ADAM22: variants seen among roughly 807,000 people sequenced by gnomAD.
The protein encoded by ADAM22 is ADAM metallopeptidase domain 22, also known as disintegrin and metalloproteinase domain-containing protein 22.
In ADAM22, 65 loss-of-function variants were observed where a neutral mutation model predicts 144.6. The ratio of observed to expected loss-of-function variants is 0.45; its 90% CI spans 0.37 to 0.55. The LOEUF is 0.55. ADAM22 is among the 20% of genes least tolerant of loss of function. The probability of loss-of-function intolerance (pLI) is 0.00; values close to 1 mark genes in which losing one functional copy is unlikely to be tolerated. For synonymous variants in ADAM22, 391 were observed against 412.6 expected (o/e 0.95, Z 0.63); for missense variants, 974 against 1,184.9 (o/e 0.82, Z 2.61).
chr7:88,169,102 A>G (rs777429470), intron 25 of ADAM22, among the ~76,000 whole-genome samples: 1 of 152,148 alleles, frequency 6.6e-6, no homozygotes, highest in African/African-American at 2.4e-5. Flanking sequence ...TCTTAAACCA[A>G]TTGCACCAAA....
At chr7:88,015,230 A>C (rs1796299455) in intron 3 of ADAM22, among the ~76,000 whole-genome samples, 1 of 152,234 alleles carries the variant, frequency 6.6e-6, no homozygotes, top group South Asian at 2.1e-4. Flanking sequence ...TTTGAACCCT[A>C]ATAAGTGTTA....
intron 2 of ADAM22, among the ~76,000 whole-genome samples, chr7:87,972,159 G>A (rs937317975): frequency 3.9e-5 from 6 of 152,108 alleles, no homozygotes; most frequent in African/African-American, 9.7e-5. Context: ...GTTTGCAGAC[G>A]ACATGATTGT....
At position 87,934,485 on chromosome 7, in the gene ADAM22, T is replaced by A; in HGVS notation, c.20T>A (p.Val7Glu). The A allele has an allele frequency of 6.2e-7, 1 of 1,605,570 alleles. No homozygotes were observed. The highest frequency in any genetic ancestry group is 1.3e-5 in the African/African-American group (1 of 74,874). MQAAVAVSVPFLLLCVL... is the reference protein window; with the variant it reads MQAAVAESVPFLLLCVL... ...AGCACCATGCAGGCGGCAGTGGCTG[T>A]GTCCGTGCCCTTCTTGCTGCTCTGT... Residue 7 changes from valine (V) to glutamate (E), a missense_variant, in exon 1 of 32, where the codon GTG (valine) becomes GAG (glutamate). This residue lies in a region of ADAM22 where 240 missense variants were observed against 234.3 expected (regional missense o/e 1.02). Transcript: ENST00000413139.
intron 1 of ADAM22, 82 bp from the exon 2 acceptor site, chr7:87,934,944 C>T (rs1459979430): frequency 1.3e-6 from 2 of 1,582,350 alleles, no homozygotes; most frequent in South Asian, 2.2e-5. Flanking sequence ...AGACGTAGGA[C>T]TGCAGGATGG....
chr7:88,140,848 T>C (rs1388453056), intron 14 of ADAM22, among the ~76,000 whole-genome samples: 3 of 151,796 alleles, frequency 2.0e-5, no homozygotes, highest in Admixed American at 2.0e-4. Flanking sequence ...AAAAAGAAAA[T>C]GCAGGTTTTG....
intron 26 of ADAM22, 77 bp downstream of exon 26, chr7:88,171,638 A>G: frequency 1.6e-6 from 2 of 1,284,418 alleles, no homozygotes; most frequent in East Asian, 5.3e-5. Context: ...CATACATGCA[A>G]TTATAATTAA....
chr7:88,095,237 A>G (rs1021988944), intron 4 of ADAM22, among the ~76,000 whole-genome samples: 1 of 152,198 alleles, frequency 6.6e-6, no homozygotes, highest in African/African-American at 2.4e-5. Flanking sequence ...CTGTGCCTCT[A>G]GACTGTAAAT....
intron 17 of ADAM22, among the ~76,000 whole-genome samples, chr7:88,147,778 C>T (rs954132581): frequency 6.6e-6 from 1 of 152,186 alleles, no homozygotes; most frequent in Non-Finnish European, 1.5e-5. Flanking sequence ...ATGCACTCCT[C>T]TAAACTACCC....
chr7:88,156,026 G>C lies in ADAM22; in HGVS notation c.1907+20G>C. 6.2e-7 allele frequency: 1 copy of C among 1,610,542 alleles called. No homozygotes were observed. Among genetic ancestry groups the C allele is most frequent in the South Asian group, 1.1e-5 (1 of 90,386 alleles). On this transcript the variant is annotated intron_variant, in intron 22 of 31. Transcript: ENST00000413139. ...CTGCAGGTAATTATCTAACCATTCT[G>C]TAAGAATCTGAGTCATCTTATTTCT...
At chr7:88,124,345 C>T (rs987999113) in intron 7 of ADAM22, among the ~76,000 whole-genome samples, 1 of 151,480 alleles carries the variant, frequency 6.6e-6, no homozygotes, top group African/African-American at 2.4e-5. Flanking sequence ...ATGAATCATC[C>T]CATTTATAAT....
At chr7:88,171,703 T>G (rs1291910285) in intron 26 of ADAM22, 142 bp downstream of exon 26, 4 of 618,058 alleles carry the variant, frequency 6.5e-6, no homozygotes, top group African/African-American at 5.8e-5. Context: ...TTCATTATCT[T>G]GAGGTAATTT....
chr7:88,099,567 G>A (rs115588905), intron 4 of ADAM22, among the ~76,000 whole-genome samples: 261 of 152,270 alleles, frequency 1.7e-3, no homozygotes, highest in African/African-American at 5.9e-3. Context: ...GGATAGTCCA[G>A]AAGAATCTCA....
chr7:88,039,240 G>A (rs1043859038), intron 3 of ADAM22, among the ~76,000 whole-genome samples: 3 of 151,092 alleles, frequency 2.0e-5, no homozygotes, highest in Admixed American at 6.6e-5. Flanking sequence ...TCAGGAGATC[G>A]AGACCATCCT....
chr7:87,969,931 A>G (rs748607570), intron 2 of ADAM22, among the ~76,000 whole-genome samples: 2 of 152,224 alleles, frequency 1.3e-5, no homozygotes, highest in Non-Finnish European at 2.9e-5. Flanking sequence ...GGAGAGTAAC[A>G]TGGAGTCATA....
intron 22 of ADAM22, among the ~76,000 whole-genome samples, chr7:88,160,512 A>G (rs1469969215): frequency 6.6e-6 from 1 of 152,162 alleles, no homozygotes; most frequent in Non-Finnish European, 1.5e-5. Context: ...AAAAACAGAT[A>G]CATAGACCAA....
intron 3 of ADAM22, among the ~76,000 whole-genome samples, chr7:88,064,622 G>C (rs1810734813): frequency 6.6e-6 from 1 of 152,122 alleles, no homozygotes. Flanking sequence ...CCTTTGTGCT[G>C]TGTCCTCCAG....
chr7:88,062,466 G>C (rs941575029), intron 3 of ADAM22, among the ~76,000 whole-genome samples: 5 of 152,178 alleles, frequency 3.3e-5, no homozygotes, highest in African/African-American at 4.8e-5. Context: ...GAGAGTTAGG[G>C]CCTTATTCTG....
In ADAM22 at chr7:88,077,738, G is replaced by A. The variant is rs189565208; in HGVS notation, c.390+2046G>A. On this transcript the variant is annotated intron_variant, in intron 4 of 31. Coordinates refer to ENST00000413139, the MANE Select transcript of ADAM22 (RefSeq NM_001324418.2). ...GAGGGTCCTACACCCACGGAGTCTC[G>A]CTGATTGCTAGCACAGCAGTCTGAG... Among the ~76,000 whole-genome samples, 599 of 152,256 alleles carry A rather than the reference G, an allele frequency of 3.9e-3. 1 individual carries two copies. The highest frequency in any genetic ancestry group is 0.014 in the African/African-American group (565 of 41,542).
At chr7:88,012,021 GT>G (rs1795546576) in intron 3 of ADAM22, among the ~76,000 whole-genome samples, 1 of 142,600 alleles carries the variant, frequency 7.0e-6, no homozygotes, top group Non-Finnish European at 1.5e-5. Flanking sequence ...GTAGAGTATT[GT>G]GTTCTGTTTT....
Sources: gnomAD v4.1 joint callset for allele counts (sites outside exome capture counted in the v4.1 genomes callset) on GRCh38, gnomAD v4.1.1 for gene constraint, gnomAD v4.1.1 regional missense constraint, MANE v1.5 for transcripts, NCBI Gene and HGNC (gene_info 2026-07-23, HGNC 2026-07-21) for gene names.